The following GABRA3 variants were observed in gnomAD, a reference collection of about 807,000 sequenced individuals.
GABRA3 encodes gamma-aminobutyric acid type A receptor subunit alpha3, also known as gamma-aminobutyric acid receptor subunit alpha-3.
A neutral mutation model predicts 30.1 loss-of-function variants in GABRA3; 10 were observed. The ratio of observed to expected loss-of-function variants is 0.33; its 90% confidence interval spans 0.20 to 0.56. The LOEUF (loss-of-function observed/expected upper bound fraction) is 0.56, where lower values mean the gene tolerates loss of function less well. Among genes scored for constraint, GABRA3 ranks in the 20% least tolerant of loss-of-function variants. The probability of loss-of-function intolerance (pLI) is 0.89; values close to 1 mark genes in which losing one functional copy is unlikely to be tolerated. For synonymous variants in GABRA3, 151 were observed against 146.8 expected, an observed-to-expected ratio of 1.03 and a Z score of -0.21; for missense variants, 233 against 392.0, an observed-to-expected ratio of 0.59 and a Z score of 3.42.
chrX:152,240,978 G>T lies in GABRA3; in HGVS notation c.551+14800C>A, dbSNP rs368974936. Among the ~76,000 whole-genome samples, 46 of 104,320 alleles carry T rather than the reference G, an allele frequency of 4.4e-4. No individual in the cohort carries two copies. In the East Asian group the frequency reaches 0.011, roughly 26 times the overall value. The allele number at this position is 104,320 out of a possible 115,157, so 90.6% of individuals were successfully genotyped here. ...GCTCAGAGTAATTTGATCGTCTGAA[G>T]CCTTCTTCTCTCAGCTCGTCAAAGT... On this transcript the variant is annotated intron_variant, in intron 5 of 9. Transcript: ENST00000370314.
intron 3 of GABRA3, among the ~76,000 whole-genome samples, chrX:152,321,325 G>A (rs1939960379): frequency 1.8e-5 from 2 of 111,778 alleles, no homozygotes; most frequent in Admixed American, 1.9e-4. Flanking sequence ...GAACATCTGT[G>A]GGTAAAGTCC....
chrX:152,373,672 C>A (rs1928903837), intron 1 of GABRA3, among the ~76,000 whole-genome samples: 1 of 111,223 alleles, frequency 9.0e-6, no homozygotes, highest in Non-Finnish European at 1.9e-5. Context: ...TACATGTGCA[C>A]AACGTGCAGG....
chrX:152,173,757 AC>A (rs771082616), intron 9 of GABRA3, among the ~76,000 whole-genome samples: 6 of 111,041 alleles, frequency 5.4e-5, no homozygotes, highest in Non-Finnish European at 1.1e-4. Context: ...GGCATGAGCC[AC>A]CGCGCCTGGC....
intron 5 of GABRA3, among the ~76,000 whole-genome samples, chrX:152,230,655 T>C (rs1245025041): frequency 9.0e-6 from 1 of 111,071 alleles, no homozygotes; most frequent in Non-Finnish European, 1.9e-5. Flanking sequence ...GAAATAAACT[T>C]TGATATTTAT....
chrX:152,336,685 C>T (rs1458943692), intron 3 of GABRA3, among the ~76,000 whole-genome samples: 1 of 111,845 alleles, frequency 8.9e-6, no homozygotes, highest in Non-Finnish European at 1.9e-5. Flanking sequence ...AAGCACTTTG[C>T]TGGCCTCCTA....
At chrX:152,209,159 C>G (rs1323454613) in intron 6 of GABRA3, among the ~76,000 whole-genome samples, 1 of 112,196 alleles carries the variant, frequency 8.9e-6, no homozygotes, top group Non-Finnish European at 1.9e-5. Flanking sequence ...AAACAAGACA[C>G]CTACCTGACA....
intron 4 of GABRA3, among the ~76,000 whole-genome samples, chrX:152,270,284 C>T (rs1306898846): frequency 9.0e-6 from 1 of 111,432 alleles, no homozygotes; most frequent in East Asian, 2.8e-4. Context: ...CTTCTCTCTT[C>T]TGCCAGCATG....
chrX:152,367,879 C>CCA (rs1435156274), intron 1 of GABRA3, among the ~76,000 whole-genome samples: 4 of 112,089 alleles, frequency 3.6e-5, no homozygotes, highest in Admixed American at 9.5e-5. Flanking sequence ...AACGTTCAAA[C>CCA]CACACATCTG....
At chrX:152,442,511 T>C (rs1930959472) in intron 1 of GABRA3, among the ~76,000 whole-genome samples, 1 of 111,426 alleles carries the variant, frequency 9.0e-6, no homozygotes, top group Non-Finnish European at 1.9e-5. Context: ...TTAGCAGAAA[T>C]AATGGTAGAA....
intron 4 of GABRA3, 78 bp from the exon 5 acceptor site, chrX:152,256,076 T>A (rs1938632528): frequency 1.5e-6 from 1 of 681,544 alleles, no homozygotes; most frequent in Non-Finnish European, 2.3e-6. Context: ...AAATATTAAT[T>A]ACCTTGCAGT....
At chrX:152,288,456 T>C (rs1201797106) in intron 3 of GABRA3, among the ~76,000 whole-genome samples, 1 of 112,566 alleles carries the variant, frequency 8.9e-6, no homozygotes, top group Non-Finnish European at 1.9e-5. Context: ...GGAGATAGTA[T>C]TTAGACCAGT....
chrX:152,445,752 C>G (rs1047534877), intron 1 of GABRA3, among the ~76,000 whole-genome samples: 3 of 111,259 alleles, frequency 2.7e-5, no homozygotes, highest in African/African-American at 9.8e-5. Context: ...TATTCAAAAC[C>G]CTTTTCCAAA....
At chrX:152,440,573 T>C (rs1316680444) in intron 1 of GABRA3, among the ~76,000 whole-genome samples, 6 of 112,160 alleles carry the variant, frequency 5.3e-5, no homozygotes, top group Admixed American at 1.9e-4. Context: ...TGTACATCTA[T>C]GTTTATTGTG....
chrX:152,352,238 A>G (rs1940489238), intron 2 of GABRA3, among the ~76,000 whole-genome samples: 1 of 111,876 alleles, frequency 8.9e-6, no homozygotes, highest in African/African-American at 3.2e-5. Flanking sequence ...AATAAAGTGA[A>G]GCACAGTCAA....
At chrX:152,445,249 T>C (rs1931059294) in intron 1 of GABRA3, among the ~76,000 whole-genome samples, 1 of 109,784 alleles carries the variant, frequency 9.1e-6, no homozygotes, top group African/African-American at 3.3e-5. Context: ...AATGCTTTTA[T>C]ATTACCAACT....
At chrX:152,271,945 C>T (rs1938947749) in intron 4 of GABRA3, among the ~76,000 whole-genome samples, 1 of 112,059 alleles carries the variant, frequency 8.9e-6, no homozygotes. Context: ...GGTTTGGGAA[C>T]CTCTGTCTAG....
At chrX:152,281,037 G>A (rs1939190598) in intron 4 of GABRA3, among the ~76,000 whole-genome samples, 1 of 110,918 alleles carries the variant, frequency 9.0e-6, no homozygotes, top group Admixed American at 9.7e-5. Flanking sequence ...GTGGAGCAGT[G>A]CCTGGAGCCT....
At chrX:152,393,485 C>A (rs373469764) in intron 1 of GABRA3, 5 of 378,346 alleles carry the variant, frequency 1.3e-5, no homozygotes, top group African/African-American at 2.6e-5. Context: ...ATGCTGCATG[C>A]TCAGACAACC....
intron 3 of GABRA3, among the ~76,000 whole-genome samples, chrX:152,326,058 C>T (rs1835119370): frequency 9.0e-6 from 1 of 111,284 alleles, no homozygotes; most frequent in Non-Finnish European, 1.9e-5. Flanking sequence ...GTGACACATG[C>T]ACAAGCTTCA....
Sources: gnomAD v4.1 joint callset for allele counts (sites outside exome capture counted in the v4.1 genomes callset) on GRCh38, gnomAD v4.1.1 for gene constraint, MANE v1.5 for transcripts, NCBI Gene and HGNC (gene_info 2026-07-23, HGNC 2026-07-21) for gene names.